Variants in CYP4Z1 observed in about 807,000 individuals in gnomAD.
CYP4Z1 encodes the protein cytochrome P450 4Z1.
In CYP4Z1, 41 loss-of-function variants were observed where a neutral mutation model predicts 54.2. That is an observed-to-expected ratio of 0.76 (90% CI 0.59 to 0.98). CYP4Z1 has a LOEUF of 0.98. Ranked by LOEUF, CYP4Z1 falls within the 50% of genes least tolerant of loss-of-function variation. CYP4Z1 has a pLI of 0.00. For missense variants in CYP4Z1, 513 were observed against 599.0 expected (o/e 0.86, Z 1.50); for synonymous variants, 163 against 206.2 (o/e 0.79, Z 1.79).
chr1:47,097,701 G>C (rs1644688207), intron 7 of CYP4Z1, among the ~76,000 whole-genome samples: 1 of 151,702 alleles, frequency 6.6e-6, no homozygotes, highest in African/African-American at 2.4e-5. Context: ...TGCTTTTTTA[G>C]TTACTGTAGT....
intron 1 of CYP4Z1, 95 bp downstream of exon 1, chr1:47,067,762 A>G (rs1177018755): frequency 8.5e-7 from 1 of 1,181,404 alleles, no homozygotes; most frequent in Admixed American, 2.7e-5. Context: ...TGTAATATGC[A>G]AAATGCTTTC....
rs139965227 is a variant in CYP4Z1, at chr1:47,094,494, A to C, written c.773-72A>C. The C allele has an allele frequency of 1.8e-3, 1,940 of 1,075,502 alleles. 3 individuals carry two copies. Among genetic ancestry groups the C allele is most frequent in the Admixed American group, 2.5e-3 (96 of 38,552 alleles). The allele number at this position is 1,075,502 out of a possible 1,614,324, so 66.6% of individuals were successfully genotyped here. On this transcript the variant is annotated intron_variant, in intron 6 of 11. Transcript: ENST00000334194. ...GCTACCGATAAAGCACCAGCTTCTC[A>C]GAACTACATTTGGCTTTGATTGACT...
At chr1:47,083,483 G>C (rs938600260) in intron 4 of CYP4Z1, among the ~76,000 whole-genome samples, 1 of 152,202 alleles carries the variant, frequency 6.6e-6, no homozygotes, top group Non-Finnish European at 1.5e-5. Context: ...GAGATGCAGA[G>C]ATTAAGCAGT....
At chr1:47,112,288 C>T (rs1644797019) in intron 9 of CYP4Z1, among the ~76,000 whole-genome samples, 1 of 152,054 alleles carries the variant, frequency 6.6e-6, no homozygotes, top group Non-Finnish European at 1.5e-5. Flanking sequence ...TTGTATAATA[C>T]ATAATTTACT....
intron 6 of CYP4Z1, among the ~76,000 whole-genome samples, chr1:47,086,160 G>C (rs1644592891): frequency 6.6e-6 from 1 of 152,138 alleles, no homozygotes; most frequent in Non-Finnish European, 1.5e-5. Context: ...ACACACGTGT[G>C]CATGTGTCTT....
intron 7 of CYP4Z1, 27 bp from the exon 8 acceptor site, chr1:47,099,067 G>C (rs747272494): frequency 6.2e-7 from 1 of 1,613,070 alleles, no homozygotes; most frequent in Non-Finnish European, 8.5e-7. Context: ...GCCAGCTTTG[G>C]ATAAAGATCA....
rs1204875907 is a variant in CYP4Z1 at position 47,099,151 on chromosome 1, A to C, written c.934A>C (p.Met312Leu). ...TCTCCAGGCTGAAGTGAAAACGTTC[A>C]TGTTTGCAGGACATGACACCACATC... ...ADLQAEVKTFMFAGHDTTSSA... is the reference protein window; with the variant it reads ...ADLQAEVKTFLFAGHDTTSSA... The change falls in exon 8 of 12, where the codon ATG becomes CTG. Residue 312 changes from methionine (M) to leucine (L), a missense_variant. By Grantham distance (15) the Met-to-Leu change is conservative. Coordinates refer to ENST00000334194, the MANE Select transcript of CYP4Z1 (RefSeq NM_178134.3). 1.4e-5 allele frequency: 22 copies of C among 1,614,050 alleles called. No individual in the cohort carries two copies. The highest frequency in any genetic ancestry group is 1.5e-5 in the Non-Finnish European group (18 of 1,179,982).
rs761809766 is a variant in CYP4Z1, at chr1:47,067,625, G to C, written c.135G>C (p.Leu45=). 2 of 1,612,132 alleles carry C rather than the reference G, an allele frequency of 1.2e-6. No homozygotes were observed. The highest frequency in any genetic ancestry group is 2.2e-5 in the East Asian group (1 of 44,824). Residue 45 remains leucine, a synonymous_variant, in exon 1 of 12, where the codon CTG becomes CTC. Transcript: ENST00000334194. The part of the protein sequence containing the change: ...RRRWMIRALH[L]FPAPPAHWFY... ...GATGGATGATCAGAGCCCTGCACCT[G>C]TTTCCTGCACCCCCTGCCCACTGGT...
intron 11 of CYP4Z1, 75 bp from the exon 12 acceptor site, chr1:47,117,691 A>G (rs1644840100): frequency 1.4e-6 from 2 of 1,468,714 alleles, no homozygotes; most frequent in Non-Finnish European, 1.8e-6. Context: ...GTCGTCATAT[A>G]TAAAAAGATT....
the CYP4Z1 span, among the ~76,000 whole-genome samples, chr1:47,055,989 C>G: frequency 6.6e-6 from 1 of 152,090 alleles, no homozygotes; most frequent in Non-Finnish European, 1.5e-5. Context: ...TCTTGCTTCT[C>G]TAGTTCTTTT....
intron 8 of CYP4Z1, among the ~76,000 whole-genome samples, chr1:47,105,404 G>C (rs11211447): frequency 6.6e-6 from 1 of 151,018 alleles, no homozygotes; most frequent in African/African-American, 2.5e-5. Flanking sequence ...ATCTCCAGCC[G>C]GCTCCTTATG....
the CYP4Z1 span, among the ~76,000 whole-genome samples, chr1:47,056,402 T>C: frequency 6.6e-6 from 1 of 152,252 alleles, no homozygotes; most frequent in African/African-American, 2.4e-5. Context: ...TTCTGTTGAT[T>C]TGGGGTGGAG....
intron 8 of CYP4Z1, among the ~76,000 whole-genome samples, chr1:47,104,917 C>CT (rs34454678): frequency 0.067 from 9,982 of 149,956 alleles, 438 homozygotes; most frequent in Non-Finnish European, 0.098. Context: ...GCTGGGGCTG[C>CT]TTTTTTTTTT....
intron 11 of CYP4Z1, 27 bp from the exon 12 acceptor site, chr1:47,117,739 C>A (rs1409611658): frequency 6.3e-6 from 10 of 1,587,254 alleles, no homozygotes; most frequent in Non-Finnish European, 8.6e-6. Flanking sequence ...TCATTAGATG[C>A]CATGTTTTCT....
chr1:47,105,653 T>C (rs1456214564), intron 8 of CYP4Z1, among the ~76,000 whole-genome samples: 1 of 152,226 alleles, frequency 6.6e-6, no homozygotes, highest in Non-Finnish European at 1.5e-5. Context: ...AGATGATCTA[T>C]TTGAAGTGTA....
chr1:47,057,336 A>AAGAG, the CYP4Z1 span, among the ~76,000 whole-genome samples: 1 of 56,630 alleles, frequency 1.8e-5, no homozygotes, highest in East Asian at 3.1e-4. Context: ...AGAAAAAAAA[A>AAGAG]TATATATATA....
At position 47,082,447 on chromosome 1, in the gene CYP4Z1, G is replaced by A; in HGVS notation, c.478G>A (p.Val160Ile). The change falls in exon 4 of 12, where the codon GTT becomes ATT. Residue 160 changes from valine to isoleucine, a missense_variant. Val to Ile is a conservative substitution (Grantham distance 29). Coordinates refer to ENST00000334194, the MANE Select transcript of CYP4Z1 (RefSeq NM_178134.3). ...ATTCATCACCATGATGTCTGAGAGT[G>A]TTCGGATGATGCTGGTAAGAGGAGA... Reference protein sequence around the residue: ...KIFITMMSESVRMMLNKWEEH... With the variant: ...KIFITMMSESIRMMLNKWEEH... 6.2e-7 allele frequency: 1 copy of A among 1,612,382 alleles called. No individual in the cohort carries two copies. Among genetic ancestry groups the A allele is most frequent in the Non-Finnish European group, 8.5e-7 (1 of 1,179,306 alleles).
At chr1:47,100,060 G>C (rs1644710366) in intron 8 of CYP4Z1, among the ~76,000 whole-genome samples, 1 of 151,950 alleles carries the variant, frequency 6.6e-6, no homozygotes, top group South Asian at 2.1e-4. Context: ...ATAGTTTGTT[G>C]CCTAAGCTTG....
At chr1:47,089,540 G>A (rs548561385) in intron 6 of CYP4Z1, among the ~76,000 whole-genome samples, 6 of 134,676 alleles carry the variant, frequency 4.5e-5, no homozygotes, top group South Asian at 4.2e-4. Flanking sequence ...CCTAATGGAC[G>A]CAAACCAATA....
Sources: gnomAD v4.1 joint callset for allele counts (sites outside exome capture counted in the v4.1 genomes callset) on GRCh38, gnomAD v4.1.1 for gene constraint, MANE v1.5 for transcripts, NCBI Gene and HGNC (gene_info 2026-07-23, HGNC 2026-07-21) for gene names.